The following SAMD5 variants were observed in gnomAD, a reference collection of about 807,000 sequenced individuals.
SAMD5 encodes sterile alpha motif domain containing 5.
SAMD5 carries 13 observed loss-of-function variants against 11.3 expected under a neutral mutation model. That is an observed-to-expected ratio of 1.15 (90% CI 0.75 to 1.83). The LOEUF (loss-of-function observed/expected upper bound fraction) is 1.83, where lower values mean the gene tolerates loss of function less well. Ranked by LOEUF, SAMD5 falls within the 40% of genes most tolerant of loss-of-function variation. The pLI, the probability that SAMD5 is intolerant of heterozygous loss-of-function variation, is 0.00. For synonymous variants in SAMD5, 129 were observed against 111.3 expected (o/e 1.16, Z -1.00); for missense variants, 255 against 239.1 (o/e 1.07, Z -0.44).
At chr6:147,517,043 A>G (rs886219231) in intron 1 of SAMD5, among the ~76,000 whole-genome samples, 1 of 152,232 alleles carries the variant, frequency 6.6e-6, no homozygotes, top group African/African-American at 2.4e-5. Context: ...TGCAGTTTTC[A>G]CTGAGGTAGA....
chr6:147,808,612 C>T, the SAMD5 span, among the ~76,000 whole-genome samples: 1 of 152,096 alleles, frequency 6.6e-6, no homozygotes, highest in East Asian at 1.9e-4. Flanking sequence ...AACTTTGTTT[C>T]TTTAGGATTG....
the SAMD5 span, among the ~76,000 whole-genome samples, chr6:147,768,470 C>A: frequency 6.6e-6 from 1 of 152,048 alleles, no homozygotes; most frequent in Non-Finnish European, 1.5e-5. Flanking sequence ...TGCACTCCAG[C>A]CTGGGTGACA....
intron 1 of SAMD5, among the ~76,000 whole-genome samples, chr6:147,726,402 A>G (rs979892150): frequency 6.6e-6 from 1 of 152,236 alleles, no homozygotes; most frequent in Non-Finnish European, 1.5e-5. Flanking sequence ...CCTGCAAAAA[A>G]GCAGTTTTCA....
At chr6:147,686,756 G>A (rs1482535290) in intron 1 of SAMD5, among the ~76,000 whole-genome samples, 1 of 151,446 alleles carries the variant, frequency 6.6e-6, no homozygotes, top group Non-Finnish European at 1.5e-5. Context: ...GAAAAAGCTT[G>A]AGAAGTCTAA....
At chr6:147,790,770 TTC>T in the SAMD5 span, among the ~76,000 whole-genome samples, 742 of 88,132 alleles carry the variant, frequency 8.4e-3, 5 homozygotes, top group East Asian at 0.019. Flanking sequence ...CTCTCTCTCT[TTC>T]TCTCTCTCTC....
intron 1 of SAMD5, among the ~76,000 whole-genome samples, chr6:147,542,816 C>G (rs1247025277): frequency 2.0e-5 from 3 of 152,282 alleles, no homozygotes; most frequent in African/African-American, 7.2e-5. Flanking sequence ...CAGAAGCAAT[C>G]TAGTCCCCAG....
chr6:147,932,421 G>T, the SAMD5 span, among the ~76,000 whole-genome samples: 2 of 152,096 alleles, frequency 1.3e-5, no homozygotes, highest in Non-Finnish European at 2.9e-5. Flanking sequence ...AAAGTGGTGT[G>T]CAGTTACGTC....
At chr6:147,808,737 A>G in the SAMD5 span, among the ~76,000 whole-genome samples, 31 of 152,174 alleles carry the variant, frequency 2.0e-4, no homozygotes, top group African/African-American at 7.0e-4. Flanking sequence ...GAATCGTCAT[A>G]GTTCTGTTAA....
the SAMD5 span, among the ~76,000 whole-genome samples, chr6:147,744,568 G>A: frequency 6.6e-6 from 1 of 152,140 alleles, no homozygotes; most frequent in Non-Finnish European, 1.5e-5. Flanking sequence ...AACTACAAGG[G>A]AGAAACAAGG....
At chr6:147,830,261 T>C in the SAMD5 span, among the ~76,000 whole-genome samples, 10 of 132,998 alleles carry the variant, frequency 7.5e-5, no homozygotes, top group Non-Finnish European at 1.4e-4. Flanking sequence ...CTTTTTTTTT[T>C]TTTTTTTTTT....
the SAMD5 span, among the ~76,000 whole-genome samples, chr6:147,801,128 A>G: frequency 1.3e-5 from 2 of 152,156 alleles, no homozygotes; most frequent in Non-Finnish European, 2.9e-5. Flanking sequence ...AACACCTACA[A>G]TTGAAGCTTG....
the SAMD5 span, among the ~76,000 whole-genome samples, chr6:147,944,115 T>G: frequency 6.6e-6 from 1 of 152,182 alleles, no homozygotes; most frequent in Non-Finnish European, 1.5e-5. Context: ...CATCCAATTT[T>G]CCCTCCCCCT....
the SAMD5 span, among the ~76,000 whole-genome samples, chr6:147,819,028 A>T: frequency 6.6e-6 from 1 of 152,198 alleles, no homozygotes; most frequent in African/African-American, 2.4e-5. Flanking sequence ...ACATGCATGC[A>T]TATGTTCATC....
the SAMD5 span, among the ~76,000 whole-genome samples, chr6:147,888,583 CT>C: frequency 0.66 from 99,950 of 151,786 alleles, 33,907 homozygotes; most frequent in African/African-American, 0.83. Flanking sequence ...TCTCTGGCTG[CT>C]TTTTAAGATT....
At chr6:147,550,733 C>T (rs1214630218) in intron 1 of SAMD5, among the ~76,000 whole-genome samples, 6 of 152,008 alleles carry the variant, frequency 3.9e-5, no homozygotes, top group African/African-American at 1.4e-4. Context: ...TGTGGAATAA[C>T]AGACATTGGA....
At chr6:147,665,558 A>G (rs1790705516) in intron 1 of SAMD5, among the ~76,000 whole-genome samples, 1 of 152,208 alleles carries the variant, frequency 6.6e-6, no homozygotes, top group African/African-American at 2.4e-5. Context: ...ACATTTCACT[A>G]ATCAACTCCA....
chr6:147,705,191 C>G (rs997015832), intron 1 of SAMD5, among the ~76,000 whole-genome samples: 1 of 152,068 alleles, frequency 6.6e-6, no homozygotes, highest in Non-Finnish European at 1.5e-5. Context: ...TTTTTCTTCT[C>G]CTGTATAAAA....
intron 1 of SAMD5, among the ~76,000 whole-genome samples, chr6:147,677,727 C>T (rs182406075): frequency 2.0e-5 from 3 of 152,076 alleles, no homozygotes; most frequent in African/African-American, 7.2e-5. Context: ...CATGGGACAT[C>T]GGCACTGTAA....
chr6:147,666,014 C>A (rs1158744750), intron 1 of SAMD5, among the ~76,000 whole-genome samples: 1 of 152,238 alleles, frequency 6.6e-6, no homozygotes, highest in African/African-American at 2.4e-5. Context: ...TCTCGGCTCA[C>A]TGCAACCTCC....
Sources: gnomAD v4.1 joint callset for allele counts (sites outside exome capture counted in the v4.1 genomes callset) on GRCh38, gnomAD v4.1.1 for gene constraint, MANE v1.5 for transcripts, NCBI Gene and HGNC (gene_info 2026-07-23, HGNC 2026-07-21) for gene names.